Variants in KCNB2 observed in about 807,000 individuals in gnomAD.
KCNB2 encodes the protein potassium voltage-gated channel subfamily B member 2.
A neutral mutation model predicts 61.5 loss-of-function variants in KCNB2; 15 were observed. That is an observed-to-expected ratio of 0.24 (90% CI 0.16 to 0.38). The LOEUF is 0.38. Among genes scored for constraint, KCNB2 ranks in the 10% least tolerant of loss-of-function variants. KCNB2 has a pLI of 1.00. For missense variants in KCNB2, 828 were observed against 1,125.2 expected (o/e 0.74, Z 3.78); for synonymous variants, 457 against 446.0 (o/e 1.02, Z -0.31).
intron 2 of KCNB2, among the ~76,000 whole-genome samples, chr8:72,776,331 C>T (rs1005951388): frequency 1.2e-4 from 19 of 152,024 alleles, no homozygotes; most frequent in South Asian, 4.1e-4. Flanking sequence ...AGCACACCAA[C>T]GTGGCACATG....
intron 2 of KCNB2, among the ~76,000 whole-genome samples, chr8:72,609,049 T>C (rs1003085594): frequency 1.3e-5 from 2 of 152,204 alleles, no homozygotes; most frequent in East Asian, 3.8e-4. Context: ...AATTGTTTCA[T>C]AGAGGATTAG....
At chr8:72,798,872 T>C (rs1170080103) in intron 2 of KCNB2, among the ~76,000 whole-genome samples, 1 of 152,128 alleles carries the variant, frequency 6.6e-6, no homozygotes, top group African/African-American at 2.4e-5. Flanking sequence ...CAGATAACTA[T>C]CTGGTGGGGC....
intron 2 of KCNB2, among the ~76,000 whole-genome samples, chr8:72,862,726 G>A (rs1028081724): frequency 1.3e-5 from 2 of 152,112 alleles, no homozygotes; most frequent in African/African-American, 4.8e-5. Context: ...TCTTGTTCAT[G>A]TTCCAGTTTG....
intron 2 of KCNB2, among the ~76,000 whole-genome samples, chr8:72,860,324 T>C (rs1022830529): frequency 2.7e-4 from 41 of 152,250 alleles, no homozygotes; most frequent in African/African-American, 9.6e-4. Context: ...AGTCTCAATT[T>C]CTCCACATTC....
chr8:72,649,333 A>G (rs762341020), intron 2 of KCNB2, among the ~76,000 whole-genome samples: 9 of 152,178 alleles, frequency 5.9e-5, no homozygotes, highest in Non-Finnish European at 1.0e-4. Context: ...AAAGGATTCA[A>G]TATCAGTCAA....
rs139333457 is a variant in KCNB2 at position 72,700,187 on chromosome 8, T to G, written c.579+131874T>G. On this transcript the variant is annotated intron_variant, in intron 2 of 2. Coordinates refer to ENST00000523207, the MANE Select transcript of KCNB2 (RefSeq NM_004770.3). ...AGGGAGGGGAACATCACACACCAGG[T>G]TCTGTTGGGGTTTGGGGGGCAAGGG... Among the ~76,000 whole-genome samples, 320 of 151,818 alleles carry G rather than the reference T, an allele frequency of 2.1e-3. 3 individuals carry two copies. Among genetic ancestry groups the G allele is most frequent in the African/African-American group, 7.3e-3 (301 of 41,414 alleles).
chr8:72,600,931 AC>A (rs1409584540), intron 2 of KCNB2, among the ~76,000 whole-genome samples: 1 of 150,990 alleles, frequency 6.6e-6, no homozygotes, highest in Non-Finnish European at 1.5e-5. Flanking sequence ...AGTACAATAA[AC>A]CCCCATGACA....
chr8:72,921,011 T>G (rs923621717), intron 2 of KCNB2, among the ~76,000 whole-genome samples: 7 of 152,176 alleles, frequency 4.6e-5, no homozygotes, highest in Non-Finnish European at 1.0e-4. Context: ...GCGAGAGTTC[T>G]GTCCCTTTTT....
At chr8:72,904,168 A>G (rs898135637) in intron 2 of KCNB2, among the ~76,000 whole-genome samples, 1 of 152,186 alleles carries the variant, frequency 6.6e-6, no homozygotes, top group African/African-American at 2.4e-5. Context: ...AGTTGGCTGC[A>G]TCACCAATCA....
intron 2 of KCNB2, among the ~76,000 whole-genome samples, chr8:72,725,527 A>ATATGTG (rs1554587037): frequency 0.021 from 1,930 of 90,620 alleles, 58 homozygotes; most frequent in African/African-American, 0.086. Context: ...ATATATATAT[A>ATATGTG]TATATATATA....
intron 2 of KCNB2, among the ~76,000 whole-genome samples, chr8:72,679,210 T>C (rs987463265): frequency 7.9e-5 from 12 of 152,234 alleles, no homozygotes; most frequent in African/African-American, 2.9e-4. Context: ...GGAAGTACGT[T>C]GTGAAACCTC....
chr8:72,804,804 G>GA (rs1403231378), intron 2 of KCNB2, among the ~76,000 whole-genome samples: 1 of 152,194 alleles, frequency 6.6e-6, no homozygotes, highest in Non-Finnish European at 1.5e-5. Context: ...TACCAAGATG[G>GA]AAAAAGCTAT....
At chr8:72,671,128 G>GGAGGTT (rs1372107234) in intron 2 of KCNB2, among the ~76,000 whole-genome samples, 1 of 152,142 alleles carries the variant, frequency 6.6e-6, no homozygotes, top group Non-Finnish European at 1.5e-5. Context: ...AAACAGGGAT[G>GGAGGTT]GAGGTTGAGT....
At chr8:72,615,036 C>T (rs1301325293) in intron 2 of KCNB2, among the ~76,000 whole-genome samples, 1 of 152,186 alleles carries the variant, frequency 6.6e-6, no homozygotes, top group East Asian at 1.9e-4. Context: ...AGCCAAACCT[C>T]CCCACATAAC....
chr8:72,594,891 C>T (rs1251229993), intron 2 of KCNB2, among the ~76,000 whole-genome samples: 1 of 152,154 alleles, frequency 6.6e-6, no homozygotes, highest in Non-Finnish European at 1.5e-5. Flanking sequence ...GGAAAAACTT[C>T]CTTAGTGTAT....
chr8:72,676,680 C>T (rs1321675183), intron 2 of KCNB2, among the ~76,000 whole-genome samples: 1 of 152,066 alleles, frequency 6.6e-6, no homozygotes, highest in African/African-American at 2.4e-5. Context: ...GCGGAATTCA[C>T]TTATAAGTTG....
chr8:72,709,062 C>A (rs1468504090), intron 2 of KCNB2, among the ~76,000 whole-genome samples: 7 of 152,162 alleles, frequency 4.6e-5, no homozygotes, highest in African/African-American at 1.7e-4. Context: ...ACACATCGTT[C>A]ACCCTTTGAT....
chr8:72,591,397 A>G (rs904311863), intron 2 of KCNB2, among the ~76,000 whole-genome samples: 2 of 152,166 alleles, frequency 1.3e-5, no homozygotes, highest in African/African-American at 4.8e-5. Context: ...ATATACCTTA[A>G]TAGTCTGGGA....
At chr8:72,929,285 C>T (rs1806723032) in intron 2 of KCNB2, among the ~76,000 whole-genome samples, 1 of 152,198 alleles carries the variant, frequency 6.6e-6, no homozygotes, top group Admixed American at 6.5e-5. Context: ...AAGTCTCCGG[C>T]TGCTTTACTT....
Sources: gnomAD v4.1 joint callset for allele counts (sites outside exome capture counted in the v4.1 genomes callset) on GRCh38, gnomAD v4.1.1 for gene constraint, MANE v1.5 for transcripts, NCBI Gene and HGNC (gene_info 2026-07-23, HGNC 2026-07-21) for gene names.